SKIC3: variants seen among roughly 807,000 people sequenced by gnomAD.
SKIC3 encodes the protein SKI3 subunit of superkiller complex.
chr5:95,471,299 T>C, the SKIC3 span, among the ~76,000 whole-genome samples: 2 of 152,178 alleles, frequency 1.3e-5, no homozygotes, highest in South Asian at 4.1e-4. Flanking sequence ...TATGAAATCA[T>C]ATAAAACACT....
chr5:95,520,890 G>T, the SKIC3 span: 3 of 1,088,536 alleles, frequency 2.8e-6, no homozygotes, highest in Non-Finnish European at 4.2e-6. Flanking sequence ...TTCAAATAAA[G>T]TTATTGGTGT....
the SKIC3 span, chr5:95,543,297 T>G: frequency 6.2e-7 from 1 of 1,614,084 alleles, no homozygotes; most frequent in East Asian, 2.2e-5. Flanking sequence ...ACCCAGGCAT[T>G]ATAGTTATTT....
the SKIC3 span, among the ~76,000 whole-genome samples, chr5:95,526,481 GT>G: frequency 6.9e-6 from 1 of 145,982 alleles, no homozygotes. Context: ...TTTTTTTTTT[GT>G]TTTTTGGAGA....
the SKIC3 span, among the ~76,000 whole-genome samples, chr5:95,487,050 C>T: frequency 6.6e-6 from 1 of 152,118 alleles, no homozygotes; most frequent in African/African-American, 2.4e-5. Flanking sequence ...GGCAGATCCA[C>T]CCTTAATCTG....
chr5:95,541,361 A>G, the SKIC3 span: 1 of 1,613,688 alleles, frequency 6.2e-7, no homozygotes, highest in Non-Finnish European at 8.5e-7. Context: ...CAGACATCAC[A>G]CCACTTCTGC....
At chr5:95,539,523 T>C in the SKIC3 span, among the ~76,000 whole-genome samples, 6 of 152,076 alleles carry the variant, frequency 3.9e-5, no homozygotes, top group African/African-American at 1.4e-4. Context: ...ACAACCATTA[T>C]GGAAAACAGT....
the SKIC3 span, chr5:95,495,031 T>C: frequency 6.2e-7 from 1 of 1,612,826 alleles, no homozygotes; most frequent in Non-Finnish European, 8.5e-7. Flanking sequence ...GAACAGAAAA[T>C]ATTGATGATT....
chr5:95,550,482 A>C, the SKIC3 span: 32 of 152,172 alleles, frequency 2.1e-4, 2 homozygotes, highest in African/African-American at 7.7e-4. Flanking sequence ...AAAAAAAAAA[A>C]AACTATGCCA....
chr5:95,490,276 T>A, the SKIC3 span, among the ~76,000 whole-genome samples: 3 of 151,832 alleles, frequency 2.0e-5, no homozygotes, highest in Non-Finnish European at 2.9e-5. Flanking sequence ...TCAAAGTAAG[T>A]AAATGCTACA....
chr5:95,493,237 C>A, the SKIC3 span, among the ~76,000 whole-genome samples: 1 of 152,158 alleles, frequency 6.6e-6, no homozygotes, highest in Admixed American at 6.5e-5. Flanking sequence ...ACTCTAAGGA[C>A]AAGTCTCAAA....
At chr5:95,509,410 C>G in the SKIC3 span, among the ~76,000 whole-genome samples, 52 of 152,298 alleles carry the variant, frequency 3.4e-4, 1 homozygote, top group Middle Eastern at 3.4e-3. Context: ...AGGCCCACAT[C>G]TCACAGATTG....
the SKIC3 span, chr5:95,498,576 T>C: frequency 6.2e-7 from 1 of 1,614,078 alleles, no homozygotes; most frequent in Non-Finnish European, 8.5e-7. Context: ...CTGTGGTTGG[T>C]TCCTTTAAGA....
At chr5:95,541,642 C>A in the SKIC3 span, among the ~76,000 whole-genome samples, 2 of 151,336 alleles carry the variant, frequency 1.3e-5, no homozygotes, top group East Asian at 1.9e-4. Flanking sequence ...AATCCTCTTA[C>A]TAGTAGTGTT....
the SKIC3 span, among the ~76,000 whole-genome samples, chr5:95,506,553 A>G: frequency 6.6e-6 from 1 of 152,088 alleles, no homozygotes; most frequent in African/African-American, 2.4e-5. Flanking sequence ...CCCACACAAC[A>G]ATTTTTGTGT....
chr5:95,530,632 C>A, the SKIC3 span, among the ~76,000 whole-genome samples: 1 of 152,252 alleles, frequency 6.6e-6, no homozygotes, highest in Admixed American at 6.5e-5. Context: ...TAGTCAGATC[C>A]AGCAGACTCT....
At chr5:95,502,843 T>A in the SKIC3 span, 2 of 1,609,592 alleles carry the variant, frequency 1.2e-6, no homozygotes, top group South Asian at 2.2e-5. Context: ...TATCTAAGTA[T>A]CTGGTCATGT....
chr5:95,497,348 A>G, the SKIC3 span: 2 of 1,324,828 alleles, frequency 1.5e-6, no homozygotes, highest in South Asian at 1.3e-5. Flanking sequence ...GCCATAGTTT[A>G]AAATTATCAT....
At chr5:95,526,213 C>A in the SKIC3 span, among the ~76,000 whole-genome samples, 4 of 151,930 alleles carry the variant, frequency 2.6e-5, no homozygotes, top group Middle Eastern at 3.2e-3. Context: ...AATGATAATG[C>A]CTTGTCTCTT....
the SKIC3 span, chr5:95,523,068 A>C: frequency 8.1e-7 from 1 of 1,235,824 alleles, no homozygotes; most frequent in Admixed American, 1.9e-5. Flanking sequence ...GCAAACAATA[A>C]ACACCAATCA....
Sources: allele counts gnomAD v4.1 joint callset (sites outside exome capture counted in the v4.1 genomes callset), GRCh38; gene constraint gnomAD v4.1.1; transcripts MANE v1.5; gene names NCBI Gene and HGNC (gene_info 2026-07-23, HGNC 2026-07-21).